ANO6: variants seen among roughly 807,000 people sequenced by gnomAD.
ANO6 encodes the protein anoctamin 6.
ANO6 carries 106 observed loss-of-function variants against 117.5 expected under a neutral mutation model. The ratio of observed to expected loss-of-function variants is 0.90; its 90% CI spans 0.77 to 1.06. ANO6 has a LOEUF of 1.06. ANO6 is among the 50% of genes least tolerant of loss of function. The probability of loss-of-function intolerance (pLI) is 0.00; values close to 1 mark genes in which losing one functional copy is unlikely to be tolerated. For synonymous variants in ANO6, 367 were observed against 385.1 expected, an observed-to-expected ratio of 0.95 and a Z score of 0.55; for missense variants, 955 against 1,121.1, an observed-to-expected ratio of 0.85 and a Z score of 2.12.
chr12:45,381,523 C>T (rs1261221889), intron 10 of ANO6, among the ~76,000 whole-genome samples: 13 of 152,148 alleles, frequency 8.5e-5, no homozygotes, highest in Admixed American at 3.9e-4. Context: ...TCAGCACTGG[C>T]GTGGCCCAGG....
chr12:45,340,797 T>A (rs944961320), intron 3 of ANO6, among the ~76,000 whole-genome samples: 1 of 152,152 alleles, frequency 6.6e-6, no homozygotes, highest in African/African-American at 2.4e-5. Context: ...AAGTGTAAAT[T>A]CTACAGTGAA....
intron 1 of ANO6, among the ~76,000 whole-genome samples, chr12:45,240,782 A>G (rs1947730389): frequency 6.6e-6 from 1 of 151,996 alleles, no homozygotes; most frequent in Admixed American, 6.6e-5. Context: ...CTTGTCTGTA[A>G]AGGATTTTAT....
intron 1 of ANO6, among the ~76,000 whole-genome samples, chr12:45,231,268 T>C (rs1418616960): frequency 6.6e-6 from 1 of 152,210 alleles, no homozygotes; most frequent in African/African-American, 2.4e-5. Flanking sequence ...GTAGTTTGAG[T>C]CATTTCAAAT....
At chr12:45,249,252 A>G (rs919776933) in intron 1 of ANO6, among the ~76,000 whole-genome samples, 4 of 152,242 alleles carry the variant, frequency 2.6e-5, no homozygotes, top group Non-Finnish European at 5.9e-5. Flanking sequence ...CATGACTGAA[A>G]AAACTATTAT....
At chr12:45,406,586 AT>A (rs1057071582) in intron 15 of ANO6, among the ~76,000 whole-genome samples, 2 of 152,082 alleles carry the variant, frequency 1.3e-5, no homozygotes, top group African/African-American at 2.4e-5. Flanking sequence ...AAGTATACTT[AT>A]TTATATAATA....
intron 1 of ANO6, among the ~76,000 whole-genome samples, chr12:45,297,134 C>A (rs1028389047): frequency 1.3e-5 from 2 of 152,136 alleles, no homozygotes; most frequent in Admixed American, 6.6e-5. Context: ...CAGTCTATAC[C>A]CAGTGCCCTT....
chr12:45,231,720 AGT>A (rs1947577209), intron 1 of ANO6, among the ~76,000 whole-genome samples: 2 of 152,316 alleles, frequency 1.3e-5, no homozygotes, highest in South Asian at 2.1e-4. Context: ...AATAGTACTT[AGT>A]GACCACTGGG....
rs1443516741 is a variant in ANO6, at chr12:45,331,358, G to A, written c.214G>A (p.Val72Ile). 1.7e-5 allele frequency: 27 copies of A among 1,610,040 alleles called. No individual in the cohort carries two copies. The highest frequency in any genetic ancestry group is 6.7e-5 in the Admixed American group (4 of 59,722). The stretch of plus-strand genomic sequence containing the variant: ...TGATGGCCAGCGAAGAATTGACTTT[G>A]TTCTAGTATATGAGGATGAAAGCAG... ...FNDGQRRIDF[V>I]LVYEDESRKE... is the part of the protein sequence containing the mutation. The change falls in exon 3 of 20, where the codon GTT (valine) becomes ATT (isoleucine). Residue 72 changes from valine (V) to isoleucine (I), a missense_variant. Coordinates refer to ENST00000320560, the MANE Select transcript of ANO6 (RefSeq NM_001025356.3).
At chr12:45,225,490 T>A (rs1947468149) in intron 1 of ANO6, among the ~76,000 whole-genome samples, 1 of 152,070 alleles carries the variant, frequency 6.6e-6, no homozygotes, top group South Asian at 2.1e-4. Context: ...TGGGACATTT[T>A]TAGATTTTTT....
At chr12:45,314,038 G>A (rs1313091272) in intron 2 of ANO6, among the ~76,000 whole-genome samples, 1 of 151,998 alleles carries the variant, frequency 6.6e-6, no homozygotes, top group Non-Finnish European at 1.5e-5. Flanking sequence ...AGTGTTAGTC[G>A]TGCAGTTGAC....
intron 1 of ANO6, among the ~76,000 whole-genome samples, chr12:45,287,279 A>G (rs1938948984): frequency 6.6e-6 from 1 of 152,176 alleles, no homozygotes; most frequent in Non-Finnish European, 1.5e-5. Context: ...GCAGTGTAAT[A>G]TAGTGGTTAA....
chr12:45,439,041 A>G (rs1036652396), intron 19 of ANO6, among the ~76,000 whole-genome samples: 1 of 152,252 alleles, frequency 6.6e-6, no homozygotes, highest in African/African-American at 2.4e-5. Flanking sequence ...GTTAAGAATG[A>G]CAGTTGCTTG....
chr12:45,301,248 TAA>T (rs5797937), intron 1 of ANO6, among the ~76,000 whole-genome samples: 2 of 151,244 alleles, frequency 1.3e-5, no homozygotes, highest in Admixed American at 1.3e-4. Context: ...TCTTTTTTTT[TAA>T]AAACGTCTCT....
chr12:45,305,703 A>C (rs1939645373), intron 2 of ANO6, among the ~76,000 whole-genome samples: 1 of 152,150 alleles, frequency 6.6e-6, no homozygotes, highest in African/African-American at 2.4e-5. Flanking sequence ...CTTCAGAAAT[A>C]GGCCATGTGA....
At chr12:45,363,526 T>A (rs1214539481) in intron 8 of ANO6, among the ~76,000 whole-genome samples, 3 of 149,702 alleles carry the variant, frequency 2.0e-5, no homozygotes, top group Non-Finnish European at 4.4e-5. Context: ...GTCACGCCAC[T>A]GCACTCCAGC....
chr12:45,433,691 G>T (rs866703869), downstream of ANO6, among the ~76,000 whole-genome samples: 1 of 136,316 alleles, frequency 7.3e-6, no homozygotes, highest in Non-Finnish European at 1.5e-5. Context: ...TTGAGCCCTC[G>T]TCACCGTCAC....
chr12:45,391,650 T>C (rs1942453315), intron 12 of ANO6, among the ~76,000 whole-genome samples: 1 of 152,110 alleles, frequency 6.6e-6, no homozygotes, highest in Non-Finnish European at 1.5e-5. Flanking sequence ...GCAGATCACC[T>C]GAGGTCAGGA....
intron 2 of ANO6, among the ~76,000 whole-genome samples, chr12:45,305,700 A>G (rs141919207): frequency 6.6e-6 from 1 of 152,242 alleles, no homozygotes; most frequent in East Asian, 1.9e-4. Context: ...AGACTTCAGA[A>G]ATAGGCCATG....
Position 45,402,013 on chromosome 12 carries a change from T to C in ANO6, c.1605T>C (p.Thr535=). 6.2e-7 allele frequency: 1 copy of C among 1,612,992 alleles called. No homozygotes were observed. The highest frequency in any genetic ancestry group is 1.1e-5 in the South Asian group (1 of 91,050). ...TIYEKVAIMI[T]NFELPRTQTD... is the part of the protein sequence containing the mutation. ...ATGAAAAAGTGGCAATTATGATTAC[T>C]AACTTCGGTAAGGTCCTACTATAGC... is the stretch of plus-strand genomic sequence containing the variant. The change falls in exon 13 of 20, where the codon ACT becomes ACC. Residue 535 remains threonine, a synonymous_variant. Transcript: ENST00000320560.
Sources: allele counts gnomAD v4.1 joint callset (sites outside exome capture counted in the v4.1 genomes callset), GRCh38; gene constraint gnomAD v4.1.1; transcripts MANE v1.5; gene names NCBI Gene and HGNC (gene_info 2026-07-23, HGNC 2026-07-21).